The following PARD3 variants were observed in gnomAD, a reference collection of about 807,000 sequenced individuals.
PARD3 encodes the protein partitioning defective 3 homolog.
Under a neutral mutation model 155.4 loss-of-function variants are expected in PARD3, and 75 were observed. The ratio of observed to expected loss-of-function variants is 0.48; its 90% CI spans 0.40 to 0.58. The LOEUF is 0.58. Ranked by LOEUF, PARD3 falls within the 20% of genes least tolerant of loss-of-function variation. The pLI is 0.00. For synonymous variants in PARD3, 576 were observed against 610.5 expected (o/e 0.94, Z 0.83); for missense variants, 1,642 against 1,721.7 (o/e 0.95, Z 0.82).
intron 5 of PARD3, among the ~76,000 whole-genome samples, chr10:34,435,077 T>G (rs2076121460): frequency 6.6e-6 from 1 of 152,180 alleles, no homozygotes; most frequent in African/African-American, 2.4e-5. Flanking sequence ...TCTAAACACT[T>G]ACATGCAATT....
intron 2 of PARD3, among the ~76,000 whole-genome samples, chr10:34,651,821 T>G (rs1204662210): frequency 1.3e-5 from 2 of 152,196 alleles, no homozygotes; most frequent in African/African-American, 4.8e-5. Flanking sequence ...ACACAATTAT[T>G]TTTTCCTAAG....
chr10:34,671,181 G>C (rs1370053343), intron 2 of PARD3, among the ~76,000 whole-genome samples: 1 of 152,226 alleles, frequency 6.6e-6, no homozygotes, highest in East Asian at 1.9e-4. Context: ...GACTTTGCCT[G>C]TGAATATAAT....
chr10:34,148,300 G>C (rs2132936714), intron 22 of PARD3, among the ~76,000 whole-genome samples: 1 of 152,274 alleles, frequency 6.6e-6, no homozygotes, highest in South Asian at 2.1e-4. Flanking sequence ...CCAACCACCT[G>C]ACATGAAGCT....
At chr10:34,250,773 T>A (rs576256850) in intron 22 of PARD3, among the ~76,000 whole-genome samples, 902 of 59,916 alleles carry the variant, frequency 0.015, 11 homozygotes, top group African/African-American at 0.028. Context: ...AATTATCATA[T>A]AATGATACAA....
chr10:34,218,774 G>T (rs1299685161), intron 22 of PARD3, among the ~76,000 whole-genome samples: 1 of 151,264 alleles, frequency 6.6e-6, no homozygotes, highest in African/African-American at 2.4e-5. Flanking sequence ...GGAAATGGGG[G>T]ATGGGACATG....
chr10:34,540,970 C>T (rs892288176), intron 2 of PARD3, among the ~76,000 whole-genome samples: 2 of 151,952 alleles, frequency 1.3e-5, no homozygotes, highest in Non-Finnish European at 2.9e-5. Flanking sequence ...TATATAGTCA[C>T]CATAGCAACT....
intron 1 of PARD3, among the ~76,000 whole-genome samples, chr10:34,812,310 C>T (rs1465949416): frequency 6.6e-6 from 1 of 152,178 alleles, no homozygotes; most frequent in Non-Finnish European, 1.5e-5. Context: ...GATCTGCCCA[C>T]ACTTTTCCCC....
At chr10:34,400,893 C>CT (rs1843808930) in intron 6 of PARD3, among the ~76,000 whole-genome samples, 1 of 151,684 alleles carries the variant, frequency 6.6e-6, no homozygotes, top group Non-Finnish European at 1.5e-5. Context: ...GAACACCTAT[C>CT]TAATCATTGG....
At chr10:34,251,216 T>G (rs2133737984) in intron 22 of PARD3, among the ~76,000 whole-genome samples, 1 of 152,252 alleles carries the variant, frequency 6.6e-6, no homozygotes, top group East Asian at 1.9e-4. Context: ...CTAACTTAAG[T>G]GGTGTTTACA....
intron 1 of PARD3, among the ~76,000 whole-genome samples, chr10:34,717,278 T>C (rs1739330227): frequency 6.6e-6 from 1 of 152,248 alleles, no homozygotes; most frequent in African/African-American, 2.4e-5. Context: ...AGTTGGATGG[T>C]CTCTGGGGTT....
intron 18 of PARD3, among the ~76,000 whole-genome samples, chr10:34,334,227 ATATT>A (rs1447710331): frequency 2.0e-5 from 3 of 151,508 alleles, no homozygotes; most frequent in African/African-American, 7.3e-5. Context: ...TTGAGGAGAA[ATATT>A]TATCCCCAAA....
rs145774096 is a variant in PARD3, at chr10:34,119,695, C to G, written c.3586G>C (p.Val1196Leu). 3.1e-6 allele frequency: 5 copies of G among 1,612,892 alleles called. No homozygotes were observed. Among genetic ancestry groups the G allele is most frequent in the Admixed American group, 1.7e-5 (1 of 59,972 alleles). The change falls in exon 24 of 25, where the codon GTG (valine) becomes CTG (leucine). Residue 1196 changes from valine to leucine, a missense_variant. Coordinates refer to ENST00000374788, the MANE Select transcript of PARD3 (RefSeq NM_001184785.2). ...ATQSGRHSVS[V>L]EVQMQRQRQE... ...CGCTGCCGCTGCATCTGCACCTCCA[C>G]GGACACCGAGTGTCGCCCGCTCTGC...
intron 14 of PARD3, among the ~76,000 whole-genome samples, chr10:34,356,392 C>T (rs754748314): frequency 2.6e-5 from 4 of 152,042 alleles, no homozygotes; most frequent in Non-Finnish European, 5.9e-5. Context: ...ATAAAGAAGA[C>T]ATATTAAGAT....
At chr10:34,646,245 A>G (rs940500165) in intron 2 of PARD3, among the ~76,000 whole-genome samples, 4 of 152,300 alleles carry the variant, frequency 2.6e-5, no homozygotes, top group Middle Eastern at 3.4e-3. Context: ...TGTAATCGTG[A>G]TTAAGTCCAG....
intron 21 of PARD3, among the ~76,000 whole-genome samples, chr10:34,272,491 A>C (rs773727279): frequency 1.3e-5 from 2 of 152,128 alleles, no homozygotes; most frequent in Non-Finnish European, 2.9e-5. Context: ...GCACTTTAGG[A>C]GGCTGATGGG....
At chr10:34,790,739 G>GT (rs1192982054) in intron 1 of PARD3, among the ~76,000 whole-genome samples, 1 of 152,176 alleles carries the variant, frequency 6.6e-6, no homozygotes, top group Non-Finnish European at 1.5e-5. Context: ...TGTAAGTAGG[G>GT]TTTTTTCCTT....
At chr10:34,642,188 T>A (rs1382662033) in intron 2 of PARD3, among the ~76,000 whole-genome samples, 3 of 151,468 alleles carry the variant, frequency 2.0e-5, no homozygotes, top group African/African-American at 7.3e-5. Context: ...AGTCCCTGCC[T>A]TCCTGAGCCT....
chr10:34,719,566 A>G (rs1393690758), intron 1 of PARD3, among the ~76,000 whole-genome samples: 1 of 152,216 alleles, frequency 6.6e-6, no homozygotes, highest in Non-Finnish European at 1.5e-5. Flanking sequence ...CTGGGGCCAG[A>G]AACATGTTTG....
At chr10:34,599,257 A>G (rs2089563291) in intron 2 of PARD3, among the ~76,000 whole-genome samples, 1 of 152,150 alleles carries the variant, frequency 6.6e-6, no homozygotes, top group Non-Finnish European at 1.5e-5. Flanking sequence ...TCTAAAACTC[A>G]TCTTACTCAG....
Sources: gnomAD v4.1 joint callset for allele counts (sites outside exome capture counted in the v4.1 genomes callset) on GRCh38, gnomAD v4.1.1 for gene constraint, MANE v1.5 for transcripts, NCBI Gene and HGNC (gene_info 2026-07-23, HGNC 2026-07-21) for gene names.